ARHGAP29: variants seen among roughly 807,000 people sequenced by gnomAD.
ARHGAP29 encodes Rho GTPase activating protein 29.
ARHGAP29 carries 43 observed loss-of-function variants against 122.6 expected under a neutral mutation model. The ratio of observed to expected loss-of-function variants is 0.35; its 90% confidence interval spans 0.27 to 0.45. The LOEUF is 0.45. Among genes scored for constraint, ARHGAP29 ranks in the 20% least tolerant of loss-of-function variants. The pLI is 1.00. For missense variants in ARHGAP29, 1,303 were observed against 1,477.2 expected (o/e 0.88, Z 1.93); for synonymous variants, 506 against 497.1 (o/e 1.02, Z -0.24).
rs533188231 is a variant in ARHGAP29, at chr1:94,259,619, G to A, written c.-33+15393C>T. Among the ~76,000 whole-genome samples, 11 of 152,212 alleles carry A rather than the reference G, an allele frequency of 7.2e-5. No homozygotes were observed. The East Asian group carries it at 1.9e-3, about 27-fold the overall frequency. ...AATTGGAGCAATGTACCTGTAAGCC[G>A]AGGAACACCAAGGATTGCCGGCAAC... On this transcript the variant is annotated intron_variant and NMD_transcript_variant, in intron 1 of 25. Transcript: ENST00000552844.
chr1:94,241,033 G>C (rs1199640986), upstream of ARHGAP29, among the ~76,000 whole-genome samples: 1 of 152,146 alleles, frequency 6.6e-6, no homozygotes, highest in Non-Finnish European at 1.5e-5. Flanking sequence ...CTAGTGGGCA[G>C]AGGACAGGGA....
chr1:94,197,103 T>C (rs1246333960), intron 12 of ARHGAP29, among the ~76,000 whole-genome samples: 1 of 151,966 alleles, frequency 6.6e-6, no homozygotes, highest in Non-Finnish European at 1.5e-5. Context: ...TAATAAGACT[T>C]ATAAACCTCT....
the ARHGAP29 span, among the ~76,000 whole-genome samples, chr1:94,300,960 A>G: frequency 6.6e-6 from 1 of 152,210 alleles, no homozygotes; most frequent in Non-Finnish European, 1.5e-5. Flanking sequence ...CACACTAACG[A>G]GTTTGAGATT....
At chr1:94,179,639 T>C in intron 20 of ARHGAP29, 86 bp downstream of exon 20, 1 of 884,682 alleles carries the variant, frequency 1.1e-6, no homozygotes. Context: ...GAAAGTAAAT[T>C]TTGTTATGTG....
At chr1:94,276,436 AG>A (rs917861162), upstream of ARHGAP29, among the ~76,000 whole-genome samples, 3 of 142,390 alleles carry the variant, frequency 2.1e-5, no homozygotes, top group African/African-American at 7.4e-5. Context: ...GCTGGTTTTT[AG>A]ATTTTTTTTT....
At chr1:94,256,486 T>G (rs977244963) in intron 1 of ARHGAP29, among the ~76,000 whole-genome samples, 7 of 140,320 alleles carry the variant, frequency 5.0e-5, no homozygotes, top group Admixed American at 2.2e-4. Flanking sequence ...CTTACATAAA[T>G]ACAGAGTTCC....
Position 94,177,720 on chromosome 1 carries a change from C to A in ARHGAP29, c.2797G>T (p.Asp933Tyr). 2 of 1,605,310 alleles carry A rather than the reference C, an allele frequency of 1.2e-6. No individual in the cohort carries two copies. Among genetic ancestry groups the A allele is most frequent in the Non-Finnish European group, 1.7e-6 (2 of 1,176,248 alleles). ...MKSLFFSSKE[D>Y]IHTSESESKI... Reference sequence around the variant, plus strand: ...CTTTCACTCTCTGAAGTATGGATATCCTGTTGATGCAAGATAATTTTTAAA... The same window carrying A: ...CTTTCACTCTCTGAAGTATGGATATACTGTTGATGCAAGATAATTTTTAAA... Residue 933 changes from aspartate (D) to tyrosine (Y), a missense_variant and splice_region_variant, in exon 22 of 23, where the codon GAT (aspartate) becomes TAT (tyrosine). Physicochemically the swap from Asp to Tyr is radical, Grantham distance 160. Around this residue, in one of 3 missense-constraint regions of ARHGAP29, gnomAD observed 620 missense variants for 651.2 expected, o/e 0.95. Transcript: ENST00000260526.
Position 94,202,539 on chromosome 1 carries a change from G to T in ARHGAP29, c.1143+5C>A. The T allele has an allele frequency of 6.2e-7, 1 of 1,612,574 alleles. No homozygotes were observed. The highest frequency in any genetic ancestry group is 8.5e-7 in the Non-Finnish European group (1 of 1,179,698). On this transcript the variant is annotated splice_donor_5th_base_variant and intron_variant, in intron 11 of 22. Transcript: ENST00000260526. The stretch of plus-strand genomic sequence containing the variant: ...CTTGCAAATAAAAAAGAAAAAGATC[G>T]TTACTTTTTGGAGAGCCTCCTCTTC...
chr1:94,297,341 A>C, the ARHGAP29 span, among the ~76,000 whole-genome samples: 1 of 152,216 alleles, frequency 6.6e-6, no homozygotes, highest in African/African-American at 2.4e-5. Flanking sequence ...TTCAATTCTT[A>C]ATATTTTATG....
chr1:94,268,697 G>T (rs1360522086), intron 1 of ARHGAP29, among the ~76,000 whole-genome samples: 2 of 152,098 alleles, frequency 1.3e-5, no homozygotes, highest in Non-Finnish European at 2.9e-5. Context: ...ATTATCAAAT[G>T]ATTATCTTCT....
chr1:94,209,315 T>C lies in ARHGAP29; in HGVS notation c.376A>G (p.Asn126Asp). 1 of 1,609,214 alleles carries C rather than the reference T, an allele frequency of 6.2e-7. No homozygotes were observed. Among genetic ancestry groups the C allele is most frequent in the Non-Finnish European group, 8.5e-7 (1 of 1,178,744 alleles). ...NFTEVNEENK[N>D]DLFQEVFSSI... ...GAAAACACTTCCTGGAAGAGATCGT[T>C]TTTGTTTTCTTCATTAACTTCTGTG... The change falls in exon 4 of 23, where the codon AAC (asparagine) becomes GAC (aspartate). Residue 126 changes from asparagine (N) to aspartate (D), a missense_variant. By Grantham distance (23) the Asn-to-Asp change is conservative. Around this residue, in one of 3 missense-constraint regions of ARHGAP29, gnomAD observed 592 missense variants for 648.2 expected, o/e 0.91. Transcript: ENST00000260526.
At chr1:94,287,648 C>A in the ARHGAP29 span, among the ~76,000 whole-genome samples, 1 of 152,038 alleles carries the variant, frequency 6.6e-6, no homozygotes, top group Non-Finnish European at 1.5e-5. Flanking sequence ...TGCTATCCCC[C>A]CCAGCTCCCC....
intron 2 of ARHGAP29, among the ~76,000 whole-genome samples, chr1:94,221,762 T>A (rs1459592373): frequency 6.6e-6 from 1 of 151,134 alleles, no homozygotes; most frequent in Non-Finnish European, 1.5e-5. Context: ...TACACATATA[T>A]ATATTTCTTT....
At chr1:94,177,446 C>T in intron 22 of ARHGAP29, 166 bp downstream of exon 22, 1 of 473,888 alleles carries the variant, frequency 2.1e-6, no homozygotes, top group South Asian at 4.5e-5. Context: ...CATTTAAATG[C>T]AAGATACACT....
chr1:94,183,139 T>TGCATTATCATTATGC (rs1288474940), intron 19 of ARHGAP29, among the ~76,000 whole-genome samples: 1 of 152,222 alleles, frequency 6.6e-6, no homozygotes, highest in East Asian at 1.9e-4. Context: ...TTATGCATTA[T>TGCATTATCATTATGC]ATGTATCAAA....
intron 3 of ARHGAP29, among the ~76,000 whole-genome samples, chr1:94,212,073 G>A (rs1232453532): frequency 6.6e-6 from 1 of 152,198 alleles, no homozygotes; most frequent in African/African-American, 2.4e-5. Context: ...GAGGTCAGGA[G>A]TTTGAGACCA....
intron 3 of ARHGAP29, among the ~76,000 whole-genome samples, chr1:94,209,914 C>T (rs1651478687): frequency 6.6e-6 from 1 of 151,964 alleles, no homozygotes; most frequent in African/African-American, 2.4e-5. Flanking sequence ...TTCCTATTTA[C>T]TTACAGCCTT....
chr1:94,205,517 T>C, intron 6 of ARHGAP29, 118 bp downstream of exon 6: 1 of 966,892 alleles, frequency 1.0e-6, no homozygotes, highest in Non-Finnish European at 1.6e-6. Context: ...ACTTTATATA[T>C]CATTTTGCAT....
chr1:94,239,790 A>G (rs1229851198), upstream of ARHGAP29, among the ~76,000 whole-genome samples: 1 of 152,176 alleles, frequency 6.6e-6, no homozygotes, highest in Non-Finnish European at 1.5e-5. Context: ...AAAAATACAA[A>G]CATAAGAATC....
Sources: gnomAD v4.1 joint callset for allele counts (sites outside exome capture counted in the v4.1 genomes callset) on GRCh38, gnomAD v4.1.1 for gene constraint, gnomAD v4.1.1 regional missense constraint, MANE v1.5 for transcripts, NCBI Gene and HGNC (gene_info 2026-07-23, HGNC 2026-07-21) for gene names.